MRPL33: variants seen among roughly 807,000 people sequenced by gnomAD.
MRPL33 encodes the protein large ribosomal subunit protein bL33m.
MRPL33 carries 5 observed loss-of-function variants against 10.1 expected under a neutral mutation model. The ratio of observed to expected loss-of-function variants is 0.49; its 90% CI spans 0.26 to 1.04. The LOEUF is 1.04. MRPL33 is among the 50% of genes least tolerant of loss of function. MRPL33 has a pLI of 0.14. For missense variants in MRPL33, 79 were observed against 78.1 expected, an observed-to-expected ratio of 1.01 and a Z score of -0.04; for synonymous variants, 24 against 27.7, an observed-to-expected ratio of 0.87 and a Z score of 0.42.
intron 3 of MRPL33, among the ~76,000 whole-genome samples, chr2:27,775,446 G>C (rs1268839162): frequency 1.3e-5 from 2 of 150,226 alleles, no homozygotes; most frequent in Non-Finnish European, 3.0e-5. Flanking sequence ...CTGCCTCCTG[G>C]GTTCAAGTGA....
chr2:27,772,711 T>A lies in MRPL33; in HGVS notation c.41+19T>A, dbSNP rs761136506. The stretch of plus-strand genomic sequence containing the variant: ...AGTCAAAGTAAGTAAAGATTTTTCC[T>A]TTTTTAAACGTCACTTGTTTATGTT... On this transcript the variant is annotated intron_variant, in intron 2 of 3. Transcript: ENST00000296102. 3 of 1,588,498 alleles carry A rather than the reference T, an allele frequency of 1.9e-6. No individual in the cohort carries two copies. The highest frequency in any genetic ancestry group is 4.5e-5 in the East Asian group (2 of 44,520).
At chr2:27,776,729 A>T (rs1339750687) in intron 3 of MRPL33, among the ~76,000 whole-genome samples, 1 of 152,252 alleles carries the variant, frequency 6.6e-6, no homozygotes, top group African/African-American at 2.4e-5. Flanking sequence ...CTGTAATTGA[A>T]GCAGAATCGA....
chr2:27,773,697 T>C (rs1354155944), intron 2 of MRPL33, among the ~76,000 whole-genome samples: 4 of 152,256 alleles, frequency 2.6e-5, no homozygotes, highest in South Asian at 4.1e-4. Flanking sequence ...ATTGTCTATC[T>C]TAATTACAAA....
At chr2:27,779,312 C>G (rs1453808534) in intron 3 of MRPL33, 121 bp from the exon 4 acceptor site, 1 of 1,230,570 alleles carries the variant, frequency 8.1e-7, no homozygotes. Context: ...GCTCCATCTT[C>G]ATATCAAGGA....
intron 2 of MRPL33, chr2:27,772,914 A>C (rs3736594): frequency 0.67 from 340,735 of 505,392 alleles, 118,462 homozygotes; most frequent in Middle Eastern, 0.76. Context: ...GAAATACTTG[A>C]AGGAACCTTT....
rs1307555078 is a variant in MRPL33 at position 27,779,434 on chromosome 2, G to C, written c.150G>C (p.Val50=). 6.3e-7 allele frequency: 1 copy of C among 1,597,254 alleles called. No homozygotes were observed. Among genetic ancestry groups the C allele is most frequent in the South Asian group, 1.1e-5 (1 of 86,986 alleles). ...CAATTTTTTTTTCTCCCTCCATAGT[G>C]AAACAAAGAGTCCTCTTCGTGGAAA... ...KLTLLHYDPV[V]KQRVLFVEKK... is the part of the protein sequence containing the mutation. The change falls in exon 4 of 4, where the codon GTG becomes GTC. Residue 50 remains valine, a splice_region_variant and synonymous_variant. Transcript: ENST00000296102.
Position 27,779,722 on chromosome 2 carries a change from AAT to A in MRPL33, c.*243_*244del, listed in dbSNP as rs1441506047. ...GGTATTTTTATAGCCCTTAATAAAA[AAT>A]ATTAAAATAGCCTGTGCTATTGTGT... On this transcript the variant is annotated 3_prime_UTR_variant, in exon 4 of 4. Coordinates refer to ENST00000296102, the MANE Select transcript of MRPL33 (RefSeq NM_004891.4). 4.9e-6 allele frequency: 3 copies of A among 618,138 alleles called. No individual in the cohort carries two copies. The African/African-American group carries it at 5.6e-5, about 12-fold the overall frequency. The allele number at this position is 618,138 out of a possible 1,614,324, so 38.3% of individuals were successfully genotyped here. A position where few individuals can be genotyped will look rare whatever the true frequency, so the allele number is the denominator to read the frequency against.
chr2:27,774,599 C>T lies in MRPL33; in HGVS notation c.148+69C>T, dbSNP rs1330515835. 13 of 1,259,520 alleles carry T rather than the reference C, an allele frequency of 1.0e-5. No homozygotes were observed. In the African/African-American group the frequency reaches 1.6e-4, roughly 16 times the overall value. The allele number at this position is 1,259,520 out of a possible 1,614,324, so 78.0% of individuals were successfully genotyped here. ...TTTGTAGGCTGAACATCTGAACTCT[C>T]TGGAGGTGTTTTTTTAGCCTCTGAC... On this transcript the variant is annotated intron_variant, in intron 3 of 3. Transcript: ENST00000296102.
chr2:27,772,494 C>T, intron 1 of MRPL33, 180 bp from the exon 2 acceptor site: 1 of 542,688 alleles, frequency 1.8e-6, no homozygotes, highest in Non-Finnish European at 3.2e-6. Flanking sequence ...AACCTTCCTT[C>T]TATAAAATCC....
intron 1 of MRPL33, chr2:27,772,449 A>C: frequency 2.2e-6 from 1 of 460,546 alleles, no homozygotes; most frequent in Non-Finnish European, 3.8e-6. Context: ...GCAAAATATT[A>C]AATCTAGAAT....
intron 1 of MRPL33, 45 bp downstream of exon 1, chr2:27,771,844 G>A (rs1370946416): frequency 6.3e-7 from 1 of 1,598,514 alleles, no homozygotes. Flanking sequence ...GCGAGGGTTA[G>A]GGGGCCGTGA....
intron 3 of MRPL33, among the ~76,000 whole-genome samples, chr2:27,774,944 C>G (rs1677121376): frequency 6.6e-6 from 1 of 152,150 alleles, no homozygotes; most frequent in Non-Finnish European, 1.5e-5. Context: ...TGGTAGTGTT[C>G]TGGAAACAGA....
Position 27,779,514 on chromosome 2 carries a change from A to G in MRPL33, c.*32A>G. 1.2e-6 allele frequency: 2 copies of G among 1,613,236 alleles called. No homozygotes were observed. Among genetic ancestry groups the G allele is most frequent in the Non-Finnish European group, 1.7e-6 (2 of 1,179,732 alleles). ...GATTGAAAATGACTTTGATTTATAA[A>G]GAGAAGACTGAGGGCGGGGATACTG... is the stretch of plus-strand genomic sequence containing the variant. On this transcript the variant is annotated 3_prime_UTR_variant, in exon 4 of 4. Transcript: ENST00000296102.
chr2:27,774,938 A>G (rs1677121229), intron 3 of MRPL33, among the ~76,000 whole-genome samples: 1 of 152,194 alleles, frequency 6.6e-6, no homozygotes, highest in Non-Finnish European at 1.5e-5. Flanking sequence ...AATAGGTGGT[A>G]GTGTTCTGGA....
At chr2:27,778,874 G>A (rs1677222837) in intron 3 of MRPL33, among the ~76,000 whole-genome samples, 1 of 152,156 alleles carries the variant, frequency 6.6e-6, no homozygotes, top group Admixed American at 6.5e-5. Flanking sequence ...GTTTCATCCA[G>A]GCCGGTAGCA....
intron 1 of MRPL33, 138 bp downstream of exon 1, chr2:27,771,937 G>C: frequency 1.1e-6 from 1 of 906,686 alleles, no homozygotes; most frequent in South Asian, 1.7e-5. Context: ...AGGCCTTCAG[G>C]ACCACAGCGT....
chr2:27,775,883 A>G (rs895525508), intron 3 of MRPL33, among the ~76,000 whole-genome samples: 1 of 152,166 alleles, frequency 6.6e-6, no homozygotes, highest in Non-Finnish European at 1.5e-5. Flanking sequence ...GATTCCTCAT[A>G]TGGTGGAAAA....
At position 27,774,513 on chromosome 2, in the gene MRPL33, T is replaced by A. The variant is rs1164450973; in HGVS notation, c.131T>A (p.Leu44Ter). ...CGACTGCGGGAAAAACTGACTCTTT[T>A]GCATTATGATCCAGTTGGTAAGATC... ...RNRLREKLTL[L>*]HYDPVVKQRV... Residue 44 changes from leucine to a stop codon, truncating the protein, a stop_gained, in exon 3 of 4, where the codon TTG (leucine) becomes TAG (stop). Coordinates refer to ENST00000296102, the MANE Select transcript of MRPL33 (RefSeq NM_004891.4). LOFTEE classifies it high-confidence loss of function. 1 of 1,614,084 alleles carries A rather than the reference T, an allele frequency of 6.2e-7. No homozygotes were observed. The highest frequency in any genetic ancestry group is 1.1e-5 in the South Asian group (1 of 91,076).
At position 27,772,598 on chromosome 2, in the gene MRPL33, A is replaced by G. The variant is rs1054154262; in HGVS notation, c.23-76A>G. On this transcript the variant is annotated intron_variant, in intron 1 of 3. Transcript: ENST00000296102. Reference sequence around the variant, plus strand: ...ATATTTTTGGTTATTACTGATATTTATATGAACTTTGCATAAGAAAGAGAA... The same window carrying G: ...ATATTTTTGGTTATTACTGATATTTGTATGAACTTTGCATAAGAAAGAGAA... The G allele has an allele frequency of 2.1e-4, 258 of 1,200,578 alleles. 1 individual carries two copies. Among genetic ancestry groups the G allele is most frequent in the Non-Finnish European group, 1.5e-4 (125 of 846,388 alleles). 74.4% of individuals were successfully genotyped at this position (1,200,578 alleles called of 1,614,324 possible).
Sources: allele counts gnomAD v4.1 joint callset (sites outside exome capture counted in the v4.1 genomes callset), GRCh38; gene constraint gnomAD v4.1.1; transcripts MANE v1.5; gene names NCBI Gene and HGNC (gene_info 2026-07-23, HGNC 2026-07-21).